Variants in P3H2 observed in about 807,000 individuals in gnomAD.
The protein encoded by P3H2 is leprecan-like 1.
A neutral mutation model predicts 87.0 loss-of-function variants in P3H2; 80 were observed. That is an observed-to-expected ratio of 0.92 (90% CI 0.77 to 1.11). The LOEUF is 1.11. Among genes scored for constraint, P3H2 ranks in the 50% least tolerant of loss-of-function variants. The pLI is 0.00. For synonymous variants in P3H2, 367 were observed against 359.3 expected, an observed-to-expected ratio of 1.02 and a Z score of -0.24; for missense variants, 1,001 against 923.9, an observed-to-expected ratio of 1.08 and a Z score of -1.08.
intron 13 of P3H2, chr3:189,969,504 T>C: frequency 9.7e-7 from 1 of 1,034,236 alleles, no homozygotes; most frequent in East Asian, 2.4e-5. Flanking sequence ...GACTGAGGTC[T>C]CATACTGGTC....
chr3:190,059,377 C>A (rs1432604826), intron 1 of P3H2, among the ~76,000 whole-genome samples: 1 of 151,880 alleles, frequency 6.6e-6, no homozygotes, highest in African/African-American at 2.4e-5. Flanking sequence ...ACAGCTGCAC[C>A]GAGAGGTATC....
intron 1 of P3H2, among the ~76,000 whole-genome samples, chr3:190,035,238 C>A (rs1233479619): frequency 6.6e-6 from 1 of 151,970 alleles, no homozygotes; most frequent in East Asian, 1.9e-4. Context: ...AAAACAAAAG[C>A]TTTTATATCA....
chr3:190,067,171 T>C lies in P3H2; in HGVS notation c.480+53081A>G, dbSNP rs112807645. On this transcript the variant is annotated intron_variant, in intron 1 of 14. Transcript: ENST00000319332. Reference sequence around the variant, plus strand: ...TATTCTTACATTTACCTATTATTTGTGTATTTTTGTAGATGTCTCTACTAT... The same window carrying C: ...TATTCTTACATTTACCTATTATTTGCGTATTTTTGTAGATGTCTCTACTAT... Among the ~76,000 whole-genome samples the C allele has an allele frequency of 6.6e-3, 1,010 of 152,136 alleles. 13 individuals carry two copies. The highest frequency in any genetic ancestry group is 0.023 in the African/African-American group (953 of 41,522).
At chr3:189,969,374 A>T in intron 13 of P3H2, 1 of 806,826 alleles carries the variant, frequency 1.2e-6, no homozygotes, top group South Asian at 1.4e-5. Flanking sequence ...GTCCCCTTTG[A>T]ATGTCACCAG....
chr3:189,969,479 C>T, intron 13 of P3H2: 1 of 936,674 alleles, frequency 1.1e-6, no homozygotes, highest in Non-Finnish European at 1.8e-6. Context: ...ACAACAATGA[C>T]TTCCATCATA....
intron 1 of P3H2, among the ~76,000 whole-genome samples, chr3:190,059,636 C>A (rs1034294630): frequency 1.3e-5 from 2 of 152,160 alleles, no homozygotes; most frequent in African/African-American, 4.8e-5. Flanking sequence ...CCTCTGCCAC[C>A]CACCCCTCCA....
rs373480251 is a variant in P3H2 at position 189,986,772 on chromosome 3, T to C, written c.1188+16A>G. ...CTGAATCATTATTTTAATAAACGTTTCCTCTTTCCTCTTACCGGTTCAGTG... is the reference window on the plus strand; with the variant it reads ...CTGAATCATTATTTTAATAAACGTTCCCTCTTTCCTCTTACCGGTTCAGTG... On this transcript the variant is annotated intron_variant, in intron 6 of 14. Transcript: ENST00000319332. 11 of 1,524,140 alleles carry C rather than the reference T, an allele frequency of 7.2e-6. No homozygotes were observed. The African/African-American group carries it at 1.5e-4, about 21-fold the overall frequency. 94.4% of individuals were successfully genotyped at this position (1,524,140 alleles called of 1,614,324 possible).
chr3:190,049,117 A>G (rs1417685060), intron 1 of P3H2, among the ~76,000 whole-genome samples: 4 of 152,226 alleles, frequency 2.6e-5, no homozygotes, highest in Non-Finnish European at 5.9e-5. Context: ...AAAGAAAAAT[A>G]GAAAGTCAGA....
intron 14 of P3H2, 44 bp downstream of exon 14, chr3:189,963,914 A>T: frequency 6.2e-7 from 1 of 1,611,900 alleles, no homozygotes; most frequent in Non-Finnish European, 8.5e-7. Context: ...AAAGCAGTTC[A>T]TGAAGCAAGC....
chr3:189,969,190 T>A, intron 13 of P3H2: 1 of 694,564 alleles, frequency 1.4e-6, no homozygotes, highest in South Asian at 1.5e-5. Flanking sequence ...TTCCTCGTGC[T>A]CCTTCCAGCA....
intron 1 of P3H2, among the ~76,000 whole-genome samples, chr3:190,066,736 A>G (rs6777667): frequency 0.16 from 23,757 of 152,214 alleles, 2,690 homozygotes; most frequent in African/African-American, 0.32. Context: ...CTTACTATCT[A>G]TAGTCCAAAT....
At chr3:190,033,513 C>CA (rs536066289) in intron 1 of P3H2, among the ~76,000 whole-genome samples, 22 of 152,102 alleles carry the variant, frequency 1.4e-4, no homozygotes, top group Non-Finnish European at 2.8e-4. Context: ...TTTATGACTG[C>CA]AAAAAGAAAA....
At chr3:189,982,743 A>G (rs1723575290) in intron 8 of P3H2, among the ~76,000 whole-genome samples, 1 of 152,210 alleles carries the variant, frequency 6.6e-6, no homozygotes, top group Non-Finnish European at 1.5e-5. Context: ...ACCATAGGAA[A>G]TTGCTAAGCC....
intron 12 of P3H2, chr3:189,971,612 A>C (rs1723180094): frequency 2.5e-6 from 1 of 404,634 alleles, no homozygotes; most frequent in African/African-American, 2.1e-5. Flanking sequence ...TGTTCCAGGG[A>C]GAACAGGAAT....
intron 7 of P3H2, chr3:189,983,457 C>T: frequency 3.3e-6 from 1 of 300,646 alleles, no homozygotes; most frequent in Non-Finnish European, 6.3e-6. Context: ...CTTTATAATG[C>T]TCAGAGTGTC....
At chr3:190,063,236 C>T (rs1248909927) in intron 1 of P3H2, among the ~76,000 whole-genome samples, 3 of 152,098 alleles carry the variant, frequency 2.0e-5, no homozygotes, top group Non-Finnish European at 4.4e-5. Context: ...CTGGAGTCTG[C>T]AGATAGCAAG....
chr3:190,084,309 G>C (rs777435750), intron 1 of P3H2, among the ~76,000 whole-genome samples: 10 of 152,100 alleles, frequency 6.6e-5, no homozygotes, highest in Admixed American at 3.3e-4. Flanking sequence ...AATGGTCTCC[G>C]CTAAAGAAGA....
At chr3:189,968,917 C>G (rs1025410364) in intron 13 of P3H2, 1 of 167,398 alleles carries the variant, frequency 6.0e-6, no homozygotes, top group African/African-American at 2.4e-5. Flanking sequence ...CTGTTCATAT[C>G]CTTCTCCCAC....
chr3:189,959,665 T>C (rs1302389044), intron 14 of P3H2, among the ~76,000 whole-genome samples: 2 of 152,180 alleles, frequency 1.3e-5, no homozygotes, highest in East Asian at 3.9e-4. Flanking sequence ...AGTGTTTCTC[T>C]GGATGCTCCC....
Sources: gnomAD v4.1 joint callset for allele counts (sites outside exome capture counted in the v4.1 genomes callset) on GRCh38, gnomAD v4.1.1 for gene constraint, MANE v1.5 for transcripts, NCBI Gene and HGNC (gene_info 2026-07-23, HGNC 2026-07-21) for gene names.